Variants in NLK observed in about 807,000 individuals in gnomAD.
NLK encodes nemo like kinase, also known as serine/threonine-protein kinase NLK.
A neutral mutation model predicts 59.0 loss-of-function variants in NLK; 11 were observed. The ratio of observed to expected loss-of-function variants is 0.19; its 90% confidence interval spans 0.12 to 0.31. The LOEUF is 0.31. Ranked by LOEUF, NLK falls within the 10% of genes least tolerant of loss-of-function variation. NLK has a pLI of 1.00. For missense variants in NLK, 410 were observed against 661.1 expected (o/e 0.62, Z 4.16); for synonymous variants, 235 against 235.9 (o/e 1.00, Z 0.03).
chr17:28,110,442 G>T (rs1905415258), intron 1 of NLK, among the ~76,000 whole-genome samples: 2 of 147,836 alleles, frequency 1.4e-5, no homozygotes, highest in Admixed American at 6.7e-5. Context: ...ACTATGAATT[G>T]TCTAGGCGTG....
At chr17:28,065,931 CT>C (rs1469157845) in intron 1 of NLK, among the ~76,000 whole-genome samples, 1 of 152,150 alleles carries the variant, frequency 6.6e-6, no homozygotes, top group Non-Finnish European at 1.5e-5. Context: ...CCTACTCCAC[CT>C]CTTCCTCAGT....
intron 1 of NLK, among the ~76,000 whole-genome samples, chr17:28,113,234 AAGT>A: frequency 6.6e-6 from 1 of 152,314 alleles, no homozygotes. Context: ...ACCACCATTC[AAGT>A]GAGATACAGG....
the NLK span, among the ~76,000 whole-genome samples, chr17:28,203,164 T>TACACACAC: frequency 0.011 from 1,463 of 136,998 alleles, 23 homozygotes; most frequent in African/African-American, 0.021. Context: ...TATACATACA[T>TACACACAC]ACACACACAC....
intron 2 of NLK, among the ~76,000 whole-genome samples, chr17:28,124,529 A>C (rs1204964899): frequency 6.6e-6 from 1 of 152,082 alleles, no homozygotes; most frequent in Non-Finnish European, 1.5e-5. Flanking sequence ...CATCTCTAAA[A>C]AAAAACCACA....
intron 2 of NLK, among the ~76,000 whole-genome samples, chr17:28,132,396 G>A (rs1597700046): frequency 2.0e-5 from 3 of 152,294 alleles, no homozygotes; most frequent in Admixed American, 2.0e-4. Flanking sequence ...AGCGTGTGGT[G>A]TAACCCAATT....
rs138068239 is a variant in NLK, at chr17:28,089,880, A to G, written c.459-32723A>G. Among the ~76,000 whole-genome samples the G allele has an allele frequency of 2.4e-3, 369 of 152,274 alleles. 4 individuals carry two copies. The highest frequency in any genetic ancestry group is 6.6e-3 in the South Asian group (32 of 4,828). On this transcript the variant is annotated intron_variant, in intron 1 of 10. Coordinates refer to ENST00000407008, the MANE Select transcript of NLK (RefSeq NM_016231.5). ...CAAATCTTCTCTCTACTTTTAAAAAAAATTGTGTGTGTATTTTTTTTATTG... is the reference window on the plus strand; with the variant it reads ...CAAATCTTCTCTCTACTTTTAAAAAGAATTGTGTGTGTATTTTTTTTATTG...
the NLK span, among the ~76,000 whole-genome samples, chr17:28,205,716 ACT>A: frequency 6.6e-6 from 1 of 151,750 alleles, no homozygotes; most frequent in Non-Finnish European, 1.5e-5. Flanking sequence ...ACTGTTTTAC[ACT>A]CTGTTTCTTT....
intron 1 of NLK, among the ~76,000 whole-genome samples, chr17:28,060,242 C>A (rs1909585033): frequency 6.6e-6 from 1 of 151,922 alleles, no homozygotes. Flanking sequence ...TTTTTATAAT[C>A]TTGGAGGGAA....
chr17:28,119,515 G>T (rs1411368877), intron 1 of NLK, among the ~76,000 whole-genome samples: 1 of 152,132 alleles, frequency 6.6e-6, no homozygotes, highest in Non-Finnish European at 1.5e-5. Context: ...AAGAAGTATT[G>T]TATGAGGCCT....
At chr17:28,179,872 G>GTTTTT (rs34411493) in intron 7 of NLK, among the ~76,000 whole-genome samples, 4 of 79,434 alleles carry the variant, frequency 5.0e-5, no homozygotes, top group East Asian at 4.4e-4. Flanking sequence ...AGCATTCTTG[G>GTTTTT]TTTTTTTTTT....
At chr17:28,164,643 AT>A (rs1908148309) in intron 5 of NLK, among the ~76,000 whole-genome samples, 1 of 152,168 alleles carries the variant, frequency 6.6e-6, no homozygotes, top group Admixed American at 6.5e-5. Context: ...ACAGATGTGT[AT>A]TGGCAGAACT....
intron 2 of NLK, among the ~76,000 whole-genome samples, chr17:28,131,764 G>A (rs1178681349): frequency 6.6e-6 from 1 of 152,074 alleles, no homozygotes; most frequent in Non-Finnish European, 1.5e-5. Flanking sequence ...GATGGCGGAA[G>A]TTACACGGGT....
intron 3 of NLK, among the ~76,000 whole-genome samples, chr17:28,143,344 A>G (rs1907095181): frequency 6.6e-6 from 1 of 152,108 alleles, no homozygotes; most frequent in African/African-American, 2.4e-5. Context: ...GCCCAGCCAA[A>G]GATGAAAACT....
chr17:28,132,700 G>C, intron 3 of NLK, 25 bp downstream of exon 3: 1 of 1,576,230 alleles, frequency 6.3e-7, no homozygotes, highest in Admixed American at 1.7e-5. Flanking sequence ...GAATGTGAAA[G>C]AAGGGGACAA....
intron 7 of NLK, among the ~76,000 whole-genome samples, chr17:28,179,586 T>G (rs1411119641): frequency 2.0e-5 from 3 of 151,970 alleles, no homozygotes; most frequent in African/African-American, 4.8e-5. Context: ...CAAAGAAAGT[T>G]AGCCAGGCAT....
intron 3 of NLK, among the ~76,000 whole-genome samples, chr17:28,135,121 G>A (rs1009208530): frequency 6.6e-5 from 10 of 152,204 alleles, no homozygotes; most frequent in Non-Finnish European, 1.3e-4. Context: ...CTATCAGTGT[G>A]TAGTACTGTT....
At chr17:28,102,487 A>G (rs1380139910) in intron 1 of NLK, among the ~76,000 whole-genome samples, 2 of 152,008 alleles carry the variant, frequency 1.3e-5, no homozygotes, top group Non-Finnish European at 2.9e-5. Flanking sequence ...TGTCTCTACT[A>G]AAAATACAAA....
chr17:28,189,022 C>T (rs773489157), intron 8 of NLK, among the ~76,000 whole-genome samples: 14 of 151,688 alleles, frequency 9.2e-5, no homozygotes, highest in Admixed American at 1.3e-4. Context: ...CGCTGAACAT[C>T]CCTAATTTGG....
chr17:28,093,780 C>T (rs1641972458), intron 1 of NLK, among the ~76,000 whole-genome samples: 1 of 152,142 alleles, frequency 6.6e-6, no homozygotes, highest in Non-Finnish European at 1.5e-5. Flanking sequence ...ACAATTCTTC[C>T]CATGAAAATT....
Sources: gnomAD v4.1 joint callset for allele counts (sites outside exome capture counted in the v4.1 genomes callset) on GRCh38, gnomAD v4.1.1 for gene constraint, MANE v1.5 for transcripts, NCBI Gene and HGNC (gene_info 2026-07-23, HGNC 2026-07-21) for gene names.